ANKFN1: variants seen among roughly 807,000 people sequenced by gnomAD.
ANKFN1 encodes the protein ankyrin repeat and fibronectin type III domain containing 1.
In ANKFN1, 74 loss-of-function variants were observed where a neutral mutation model predicts 108.7. That is an observed-to-expected ratio of 0.68 (90% CI 0.56 to 0.83). ANKFN1 has a LOEUF of 0.83. ANKFN1 is among the 40% of genes least tolerant of loss of function. The pLI is 0.00. For missense variants in ANKFN1, 1,505 were observed against 1,382.3 expected, an observed-to-expected ratio of 1.09 and a Z score of -1.41; for synonymous variants, 547 against 516.2, an observed-to-expected ratio of 1.06 and a Z score of -0.81.
chr17:56,060,582 C>G (rs895595850), intron 4 of ANKFN1, among the ~76,000 whole-genome samples: 1 of 152,056 alleles, frequency 6.6e-6, no homozygotes, highest in Admixed American at 6.6e-5. Flanking sequence ...ATAAATAGCT[C>G]TTATTATTTT....
chr17:56,155,207 ACT>A (rs1908990559), intron 1 of ANKFN1, among the ~76,000 whole-genome samples: 1 of 152,000 alleles, frequency 6.6e-6, no homozygotes, highest in Admixed American at 6.6e-5. Context: ...GTCCCTTGTA[ACT>A]CTGACATTTA....
intron 4 of ANKFN1, among the ~76,000 whole-genome samples, chr17:56,054,605 C>T (rs1904833728): frequency 6.6e-6 from 1 of 152,038 alleles, no homozygotes; most frequent in African/African-American, 2.4e-5. Flanking sequence ...ATGTATATAC[C>T]TGAATTTAAA....
At chr17:56,138,254 G>A (rs747217068) in intron 4 of ANKFN1, among the ~76,000 whole-genome samples, 2 of 152,120 alleles carry the variant, frequency 1.3e-5, no homozygotes, top group Non-Finnish European at 1.5e-5. Context: ...ATATAGCGGG[G>A]CTTTGTGCAT....
At chr17:56,403,728 C>A (rs1250339914) in intron 8 of ANKFN1, among the ~76,000 whole-genome samples, 1 of 151,672 alleles carries the variant, frequency 6.6e-6, no homozygotes, top group South Asian at 2.1e-4. Context: ...TTGTTTTTTT[C>A]TTTTTAACTT....
At chr17:56,355,265 G>T (rs1346614136) in intron 6 of ANKFN1, among the ~76,000 whole-genome samples, 1 of 152,128 alleles carries the variant, frequency 6.6e-6, no homozygotes, top group Non-Finnish European at 1.5e-5. Context: ...ACATAAATAG[G>T]GTTGGGCAAG....
chr17:56,162,964 G>T (rs570625835), intron 1 of ANKFN1, among the ~76,000 whole-genome samples: 4 of 151,910 alleles, frequency 2.6e-5, no homozygotes, highest in African/African-American at 7.2e-5. Flanking sequence ...GAACCCTGGA[G>T]GCAGAGGTTG....
intron 4 of ANKFN1, among the ~76,000 whole-genome samples, chr17:56,055,441 CTG>C (rs71137187): frequency 0.63 from 91,144 of 144,066 alleles, 30,367 homozygotes; most frequent in Non-Finnish European, 0.76. Flanking sequence ...CCCATTATGT[CTG>C]TGTGTGTGTG....
At chr17:56,287,461 T>G (rs375954394) in intron 3 of ANKFN1, among the ~76,000 whole-genome samples, 1 of 152,300 alleles carries the variant, frequency 6.6e-6, no homozygotes, top group East Asian at 1.9e-4. Context: ...ATTCGTGAAG[T>G]GCATAGGACA....
At chr17:56,162,762 G>A (rs112151671) in intron 1 of ANKFN1, among the ~76,000 whole-genome samples, 4,378 of 152,242 alleles carry the variant, frequency 0.029, 229 homozygotes, top group African/African-American at 0.1. Context: ...TCAGCCAGGC[G>A]CAGTGACTCA....
At chr17:56,430,985 C>T (rs1389757793) in intron 8 of ANKFN1, among the ~76,000 whole-genome samples, 3 of 151,996 alleles carry the variant, frequency 2.0e-5, no homozygotes, top group African/African-American at 4.8e-5. Context: ...AGTCGGAGGT[C>T]GGAAGAAAGA....
intron 4 of ANKFN1, among the ~76,000 whole-genome samples, chr17:56,125,019 C>T (rs1220035683): frequency 6.6e-6 from 1 of 152,220 alleles, no homozygotes; most frequent in Non-Finnish European, 1.5e-5. Flanking sequence ...TCTCCCCACT[C>T]TTCCCATCTT....
intron 14 of ANKFN1, among the ~76,000 whole-genome samples, chr17:56,464,630 A>T (rs1449159635): frequency 6.6e-6 from 1 of 152,176 alleles, no homozygotes; most frequent in African/African-American, 2.4e-5. Flanking sequence ...CTTGAAAAGG[A>T]GTAGATGTAA....
Position 56,167,316 on chromosome 17 carries a change from C to CAT in ANKFN1, c.-71+13787_-71+13788insTA, listed in dbSNP as rs1469508922. Among the ~76,000 whole-genome samples the CAT allele has an allele frequency of 7.7e-3, 582 of 75,690 alleles. 2 individuals are homozygous for CAT. The highest frequency in any genetic ancestry group is 0.029 in the African/African-American group (501 of 17,208). The allele number at this position is 75,690 out of a possible 152,430, so 49.7% of individuals were successfully genotyped here. A position where few individuals can be genotyped will look rare whatever the true frequency, so the allele number is the denominator to read the frequency against. ...ACACATACATATATACACACACACA[C>CAT]ACATATATATATATATATATATATA... is the stretch of plus-strand genomic sequence containing the variant. On this transcript the variant is annotated intron_variant, in intron 1 of 20. Transcript: ENST00000682825.
At chr17:56,207,013 A>G (rs1035924921) in intron 1 of ANKFN1, 3 of 152,256 alleles carry the variant, frequency 2.0e-5, no homozygotes, top group Non-Finnish European at 4.4e-5. Flanking sequence ...CTCAGAGCAG[A>G]GTGCCCCAAG....
chr17:56,183,539 G>T (rs2143641023), intron 1 of ANKFN1, among the ~76,000 whole-genome samples: 1 of 152,152 alleles, frequency 6.6e-6, no homozygotes, highest in African/African-American at 2.4e-5. Flanking sequence ...GATCTGGTTG[G>T]TTAACAGTCT....
chr17:56,465,388 G>C (rs2050041200), intron 14 of ANKFN1, among the ~76,000 whole-genome samples: 1 of 152,086 alleles, frequency 6.6e-6, no homozygotes, highest in South Asian at 2.1e-4. Context: ...AAAATTCCGG[G>C]GTTTTCATAG....
chr17:56,369,001 T>C (rs1156810672), intron 6 of ANKFN1, among the ~76,000 whole-genome samples: 2 of 152,224 alleles, frequency 1.3e-5, no homozygotes, highest in Non-Finnish European at 2.9e-5. Context: ...TTTTGCTGCA[T>C]TCTAATGCAT....
At chr17:56,263,165 T>C (rs998908050) in intron 3 of ANKFN1, among the ~76,000 whole-genome samples, 1 of 152,222 alleles carries the variant, frequency 6.6e-6, no homozygotes, top group African/African-American at 2.4e-5. Context: ...ATAAGATCGA[T>C]TGGCCATCCT....
In ANKFN1 at chr17:56,197,783, C is replaced by G. The variant is rs191497077; in HGVS notation, c.-70-14815C>G. 3.3e-5 allele frequency among the ~76,000 whole-genome samples: 5 copies of G among 152,330 alleles called. No individual in the cohort carries two copies. In the East Asian group the frequency reaches 9.6e-4, roughly 29 times the overall value. ...AATTTACATCCAAAGATCAGCTAAA[C>G]CAGCAGTCCCCAACCTTTCTTGCAC... On this transcript the variant is annotated intron_variant, in intron 1 of 20. Coordinates refer to ENST00000682825, the MANE Select transcript of ANKFN1 (RefSeq NM_001370326.1).
Sources: gnomAD v4.1 joint callset for allele counts (sites outside exome capture counted in the v4.1 genomes callset) on GRCh38, gnomAD v4.1.1 for gene constraint, MANE v1.5 for transcripts, NCBI Gene and HGNC (gene_info 2026-07-23, HGNC 2026-07-21) for gene names.